The following MOB3A variants were observed in gnomAD, a reference collection of about 807,000 sequenced individuals.
MOB3A encodes the protein MOB kinase activator 3A, also known as MOB LAK.
Under a neutral mutation model 17.8 loss-of-function variants are expected in MOB3A, and 17 were observed. That is an observed-to-expected ratio of 0.95 (90% CI 0.65 to 1.43). The LOEUF (loss-of-function observed/expected upper bound fraction) is 1.43, where lower values mean the gene tolerates loss of function less well. Among genes scored for constraint, MOB3A ranks in the 40% most tolerant of loss-of-function variants. MOB3A has a pLI of 0.00. For synonymous variants in MOB3A, 124 were observed against 133.2 expected (o/e 0.93, Z 0.48); for missense variants, 333 against 310.8 (o/e 1.07, Z -0.54).
intron 1 of MOB3A, among the ~76,000 whole-genome samples, chr19:2,094,007 C>T (rs531265030): frequency 6.6e-6 from 1 of 151,166 alleles, no homozygotes; most frequent in East Asian, 1.9e-4. Flanking sequence ...GCCCGGGGGG[C>T]TCATCCAGCC....
At chr19:2,080,204 G>A (rs2017468946) in intron 2 of MOB3A, among the ~76,000 whole-genome samples, 1 of 152,122 alleles carries the variant, frequency 6.6e-6, no homozygotes, top group African/African-American at 2.4e-5. Context: ...CAAGGCCCAC[G>A]CAGGGTGCTG....
rs377375695 is a variant in MOB3A, at chr19:2,073,409, G to A, written c.640C>T (p.Arg214Trp). 1.5e-5 allele frequency: 24 copies of A among 1,613,616 alleles called. No homozygotes were observed. The highest frequency in any genetic ancestry group is 6.6e-5 in the South Asian group (6 of 91,094). Residue 214 changes from arginine (R) to tryptophan (W), a missense_variant, in exon 5 of 5, where the codon CGG (arginine) becomes TGG (tryptophan). Transcript: ENST00000357066. ...CCGCGGGGCTCTCAGTGGCACATCCGGGCGGTCATTTCTTTCTGTAAAGAG... is the reference window on the plus strand; with the variant it reads ...CCGCGGGGCTCTCAGTGGCACATCCAGGCGGTCATTTCTTTCTGTAAAGAG... ...ELEPLKEMTARMCH is the reference protein window; with the variant it reads ...ELEPLKEMTAWMCH
At chr19:2,079,146 G>T (rs183917548) in intron 2 of MOB3A, among the ~76,000 whole-genome samples, 97 of 152,362 alleles carry the variant, frequency 6.4e-4, no homozygotes, top group African/African-American at 2.3e-3. Context: ...ACTGCGCGTG[G>T]CGAGGCCTGA....
At position 2,078,667 on chromosome 19, in the gene MOB3A, C is replaced by G; in HGVS notation, c.-107G>C. On this transcript the variant is annotated 5_prime_UTR_variant, in exon 3 of 5. Coordinates refer to ENST00000357066, the MANE Select transcript of MOB3A (RefSeq NM_130807.3). Reference sequence around the variant, plus strand: ...ACGAAACACTCACCAAGCCCCACAGCTCTCCCGCGGACCTGAAATACACAG... The same window carrying G: ...ACGAAACACTCACCAAGCCCCACAGGTCTCCCGCGGACCTGAAATACACAG... 8.8e-7 allele frequency: 1 copy of G among 1,135,658 alleles called. No individual in the cohort carries two copies. Among genetic ancestry groups the G allele is most frequent in the South Asian group, 1.6e-5 (1 of 62,430 alleles). 70.3% of individuals were successfully genotyped at this position (1,135,658 alleles called of 1,614,324 possible). A position where few individuals can be genotyped will look rare whatever the true frequency, so the allele number is the denominator to read the frequency against.
intron 4 of MOB3A, 79 bp from the exon 5 acceptor site, chr19:2,073,503 G>T: frequency 6.3e-7 from 1 of 1,588,764 alleles, no homozygotes; most frequent in Non-Finnish European, 8.6e-7. Context: ...ACACGGAGAC[G>T]CACAGGCAGA....
intron 1 of MOB3A, 133 bp downstream of exon 1, chr19:2,096,093 G>A (rs1159347827): frequency 2.0e-5 from 3 of 153,084 alleles, no homozygotes; most frequent in East Asian, 3.9e-4. Flanking sequence ...TCGCCCGTCT[G>A]AGGGATCCAG....
chr19:2,089,555 C>T (rs1189564977), intron 1 of MOB3A, among the ~76,000 whole-genome samples: 1 of 148,264 alleles, frequency 6.7e-6, no homozygotes, highest in Non-Finnish European at 1.5e-5. Context: ...GAATTACCCT[C>T]AATTGACACC....
rs758053844 is a variant in MOB3A, at chr19:2,076,820, C to T, written c.615G>A (p.Leu205=). 2 of 1,613,800 alleles carry T rather than the reference C, an allele frequency of 1.2e-6. No homozygotes were observed. Among genetic ancestry groups the T allele is most frequent in the South Asian group, 2.2e-5 (2 of 91,080 alleles). ...KEFGLIDTKE[L]EPLKEMTARM... is the part of the protein sequence containing the mutation. ...CCCCAAGCCCGCGCACCAGTGGCTC[C>T]AGCTCCTTGGTGTCGATGAGGCCGA... The change falls in exon 4 of 5, where the codon CTG becomes CTA. Residue 205 remains leucine (L), a synonymous_variant. Transcript: ENST00000357066.
At chr19:2,095,697 G>A (rs2017677576) in intron 1 of MOB3A, among the ~76,000 whole-genome samples, 1 of 151,776 alleles carries the variant, frequency 6.6e-6, no homozygotes, top group African/African-American at 2.4e-5. Flanking sequence ...CACCCCTCCT[G>A]AAGGATCCGG....
chr19:2,078,577 C>G lies in MOB3A; in HGVS notation c.-17G>C, dbSNP rs771646125. 71 of 1,549,746 alleles carry G rather than the reference C, an allele frequency of 4.6e-5. No homozygotes were observed. Among genetic ancestry groups the G allele is most frequent in the Non-Finnish European group, 6.0e-5 (69 of 1,144,662 alleles). On this transcript the variant is annotated 5_prime_UTR_variant, in exon 3 of 5. Transcript: ENST00000357066. ...GTTGGACATCTTGGTGACGCCTGCTCTCCTGGACTTCTGTAGAGGGGTCCT... is the reference window on the plus strand; with the variant it reads ...GTTGGACATCTTGGTGACGCCTGCTGTCCTGGACTTCTGTAGAGGGGTCCT...
chr19:2,095,196 A>T (rs1163345598), intron 1 of MOB3A: 1 of 152,850 alleles, frequency 6.5e-6, no homozygotes, highest in African/African-American at 2.4e-5. Flanking sequence ...AAACAAACAA[A>T]CAAACAAACA....
intron 4 of MOB3A, among the ~76,000 whole-genome samples, chr19:2,074,456 G>A (rs887230193): frequency 2.6e-5 from 4 of 152,114 alleles, no homozygotes; most frequent in East Asian, 1.9e-4. Flanking sequence ...GAGCCACTGA[G>A]TATGCAACTA....
chr19:2,095,887 G>A (rs553087691), intron 1 of MOB3A, among the ~76,000 whole-genome samples: 57 of 152,174 alleles, frequency 3.7e-4, no homozygotes, highest in African/African-American at 1.3e-3. Flanking sequence ...TGGGATTACA[G>A]GTGCGCGCCA....
At chr19:2,085,435 C>T (rs900977651) in intron 1 of MOB3A, 107 bp from the exon 2 acceptor site, 2 of 151,202 alleles carry the variant, frequency 1.3e-5, no homozygotes, top group Non-Finnish European at 2.9e-5. Context: ...TATGACCCCT[C>T]CCCCACCGAG....
chr19:2,085,397 AAC>A (rs1413971112), intron 1 of MOB3A, 69 bp from the exon 2 acceptor site: 3 of 147,992 alleles, frequency 2.0e-5, no homozygotes, highest in Non-Finnish European at 4.5e-5. Context: ...TTTTTTGAAC[AAC>A]ACAGTTTCTC....
intron 3 of MOB3A, 107 bp downstream of exon 3, chr19:2,078,033 C>G (rs1410140485): frequency 8.5e-7 from 1 of 1,179,748 alleles, no homozygotes; most frequent in African/African-American, 1.6e-5. Context: ...GATCCCTGGG[C>G]TCGGCCTCCC....
At chr19:2,092,753 C>CAAAAAAA (rs745800527) in intron 1 of MOB3A, among the ~76,000 whole-genome samples, 2 of 48,172 alleles carry the variant, frequency 4.2e-5, no homozygotes, top group African/African-American at 7.5e-5. Flanking sequence ...AACTCCATCT[C>CAAAAAAA]AAAAAAAAAA....
At chr19:2,073,452 C>CCCACCAG in intron 4 of MOB3A, 28 bp from the exon 5 acceptor site, 2 of 1,613,774 alleles carry the variant, frequency 1.2e-6, no homozygotes, top group Non-Finnish European at 1.7e-6. Context: ...GACATCAGCT[C>CCCACCAG]CCACCAGCCA....
rs2017346306 is a variant in MOB3A at position 2,072,143 on chromosome 19, C to G, written c.*1252G>C. ...GCAGTGAGCCGAGATCCCACCACTG[C>G]ACTCCAGCCTGGTTAGGCCGGGTGC... is the stretch of plus-strand genomic sequence containing the variant. On this transcript the variant is annotated 3_prime_UTR_variant, in exon 5 of 5. Coordinates refer to ENST00000357066, the MANE Select transcript of MOB3A (RefSeq NM_130807.3). The G allele has an allele frequency of 6.6e-6, 1 of 152,050 alleles. No individual in the cohort carries two copies. The highest frequency in any genetic ancestry group is 6.6e-5 in the Admixed American group (1 of 15,252). The allele number at this position is 152,050 out of a possible 1,614,324, so 9.4% of individuals were successfully genotyped here. A position where few individuals can be genotyped will look rare whatever the true frequency, so the allele number is the denominator to read the frequency against.
Sources: gnomAD v4.1 joint callset for allele counts (sites outside exome capture counted in the v4.1 genomes callset) on GRCh38, gnomAD v4.1.1 for gene constraint, MANE v1.5 for transcripts, NCBI Gene and HGNC (gene_info 2026-07-23, HGNC 2026-07-21) for gene names.